The following TSNARE1 variants were observed in gnomAD, a reference collection of about 807,000 sequenced individuals.
TSNARE1 encodes t-SNARE domain-containing protein 1.
In TSNARE1, 49 loss-of-function variants were observed where a neutral mutation model predicts 62.0. The observed-to-expected ratio is 0.79, with a 90% CI of 0.63 to 1.00. The LOEUF (loss-of-function observed/expected upper bound fraction) is 1.00, where lower values mean the gene tolerates loss of function less well. Among genes scored for constraint, TSNARE1 ranks in the 50% least tolerant of loss-of-function variants. The pLI, the probability that TSNARE1 is intolerant of heterozygous loss-of-function variation, is 0.00. For missense variants in TSNARE1, 755 were observed against 700.1 expected, an observed-to-expected ratio of 1.08 and a Z score of -0.88; for synonymous variants, 328 against 294.4, an observed-to-expected ratio of 1.11 and a Z score of -1.17.
chr8:142,364,337 A>T (rs1835382034), intron 1 of TSNARE1, among the ~76,000 whole-genome samples: 1 of 152,266 alleles, frequency 6.6e-6, no homozygotes, highest in Non-Finnish European at 1.5e-5. Flanking sequence ...TGGAGGAGTC[A>T]GCGTGAATTC....
At chr8:142,214,209 GC>G (rs1815717983) in intron 13 of TSNARE1, among the ~76,000 whole-genome samples, 1 of 152,174 alleles carries the variant, frequency 6.6e-6, no homozygotes, top group Non-Finnish European at 1.5e-5. Context: ...AGGAGGATGG[GC>G]GGCCACTGCA....
At chr8:142,285,405 T>G (rs1051021784) in intron 10 of TSNARE1, among the ~76,000 whole-genome samples, 1 of 110,922 alleles carries the variant, frequency 9.0e-6, no homozygotes, top group Non-Finnish European at 1.8e-5. Context: ...GATGGGTGGG[T>G]GGGTGGATGG....
At chr8:142,251,621 A>T (rs1818167302) in intron 12 of TSNARE1, among the ~76,000 whole-genome samples, 2 of 151,802 alleles carry the variant, frequency 1.3e-5, no homozygotes, top group Admixed American at 1.3e-4. Flanking sequence ...GGCCCGGCTT[A>T]TGAGAGGAGC....
At chr8:142,280,121 C>G in intron 11 of TSNARE1, 1 of 1,123,350 alleles carries the variant, frequency 8.9e-7, no homozygotes, top group Non-Finnish European at 1.1e-6. Flanking sequence ...CGCAGCGCCC[C>G]GAACAGCAGC....
intron 12 of TSNARE1, among the ~76,000 whole-genome samples, chr8:142,230,357 G>A (rs913227416): frequency 6.6e-6 from 1 of 152,198 alleles, no homozygotes; most frequent in African/African-American, 2.4e-5. Flanking sequence ...TGGGAAGGGA[G>A]ACAGATTGGG....
chr8:142,261,035 A>AGG (rs1563786803), intron 12 of TSNARE1, among the ~76,000 whole-genome samples: 1 of 10,254 alleles, frequency 9.8e-5, no homozygotes, highest in African/African-American at 3.4e-4. Flanking sequence ...GAGGAGAGAA[A>AGG]GAGGAGGGAG....
chr8:142,295,999 G>T (rs1824614355), intron 10 of TSNARE1, among the ~76,000 whole-genome samples: 1 of 125,592 alleles, frequency 8.0e-6, no homozygotes, highest in African/African-American at 3.2e-5. Context: ...GTCATGGGAG[G>T]GGGGAGGTCA....
intron 11 of TSNARE1, chr8:142,278,582 GGCACGGAGGCGGCAGGAGGAA>G (rs896276882): frequency 3.2e-5 from 32 of 985,340 alleles, no homozygotes; most frequent in Non-Finnish European, 8.4e-6. Context: ...GGTGGGAGGA[GGCACGGAGGCGGCAGGAGGAA>G]GCACGGAGCC....
intron 1 of TSNARE1, among the ~76,000 whole-genome samples, chr8:142,399,552 A>G (rs1229220258): frequency 6.6e-6 from 1 of 152,210 alleles, no homozygotes; most frequent in African/African-American, 2.4e-5. Flanking sequence ...GCAGAGCCAA[A>G]CATAAGCATC....
At chr8:142,326,877 C>T (rs907126004) in intron 6 of TSNARE1, among the ~76,000 whole-genome samples, 1 of 152,216 alleles carries the variant, frequency 6.6e-6, no homozygotes, top group Non-Finnish European at 1.5e-5. Flanking sequence ...ATGCTTGAAG[C>T]CTTCAATTAC....
chr8:142,309,403 T>C (rs1213180270), intron 9 of TSNARE1, among the ~76,000 whole-genome samples: 1 of 152,250 alleles, frequency 6.6e-6, no homozygotes, highest in African/African-American at 2.4e-5. Flanking sequence ...TTTTTGAAGA[T>C]ACCTTCTGGC....
intron 1 of TSNARE1, among the ~76,000 whole-genome samples, chr8:142,400,644 G>A (rs1838220403): frequency 1.3e-5 from 2 of 152,212 alleles, no homozygotes; most frequent in African/African-American, 4.8e-5. Flanking sequence ...GGAGGCTGAG[G>A]CAGGACTCCG....
At chr8:142,298,325 C>A (rs1825108455) in intron 10 of TSNARE1, among the ~76,000 whole-genome samples, 1 of 152,236 alleles carries the variant, frequency 6.6e-6, no homozygotes, top group Non-Finnish European at 1.5e-5. Flanking sequence ...GCCAGGACTG[C>A]CGGTTGGAGA....
chr8:142,325,439 C>T (rs1830059882), intron 6 of TSNARE1, among the ~76,000 whole-genome samples: 1 of 152,104 alleles, frequency 6.6e-6, no homozygotes, highest in East Asian at 1.9e-4. Context: ...GTGGGGAGGC[C>T]AAGAGGAGAC....
intron 9 of TSNARE1, among the ~76,000 whole-genome samples, chr8:142,308,115 A>G (rs1826985410): frequency 6.6e-6 from 1 of 152,114 alleles, no homozygotes; most frequent in East Asian, 1.9e-4. Flanking sequence ...GATTTGTAAG[A>G]TATCTTTATA....
At position 142,359,692 on chromosome 8, in the gene TSNARE1, T is replaced by C. The variant is rs192642993; in HGVS notation, c.-39-4929A>G. On this transcript the variant is annotated intron_variant, in intron 1 of 13. Coordinates refer to ENST00000524325, the MANE Select transcript of TSNARE1 (RefSeq NM_145003.5). ...TCACCTGCACCTGCTCAGCAGGCAC[T>C]GGCCAGGTGCCTCACCTGTGTGAGC... Among the ~76,000 whole-genome samples, 918 of 152,318 alleles carry C rather than the reference T, an allele frequency of 6.0e-3. 10 individuals are homozygous for C. Among genetic ancestry groups the C allele is most frequent in the African/African-American group, 0.021 (861 of 41,582 alleles).
Position 142,359,791 on chromosome 8 carries a change from T to A in TSNARE1, c.-39-5028A>T, listed in dbSNP as rs367800476. Among the ~76,000 whole-genome samples the A allele has an allele frequency of 3.3e-5, 5 of 151,946 alleles. No homozygotes were observed. The East Asian group carries it at 5.8e-4, about 18-fold the overall frequency. ...AAGAAGAGGACACTAAGGCCCGGGG[T>A]CAGCCAGCCGTCAGTGCAGGGCATG... On this transcript the variant is annotated intron_variant, in intron 1 of 13. Transcript: ENST00000524325.
chr8:142,401,504 C>T (rs1838291435), intron 1 of TSNARE1, among the ~76,000 whole-genome samples: 1 of 152,190 alleles, frequency 6.6e-6, no homozygotes, highest in African/African-American at 2.4e-5. Context: ...CCTCGCTCTG[C>T]AGGCCATGAG....
chr8:142,368,209 G>A (rs374912444), intron 1 of TSNARE1, among the ~76,000 whole-genome samples: 1 of 150,910 alleles, frequency 6.6e-6, no homozygotes, highest in East Asian at 1.9e-4. Flanking sequence ...ATATGCCAAA[G>A]GACGAATATT....
Sources: allele counts gnomAD v4.1 joint callset (sites outside exome capture counted in the v4.1 genomes callset), GRCh38; gene constraint gnomAD v4.1.1; transcripts MANE v1.5; gene names NCBI Gene and HGNC (gene_info 2026-07-23, HGNC 2026-07-21).